The following TNFAIP8 variants were observed in gnomAD, a reference collection of about 807,000 sequenced individuals.
TNFAIP8 encodes the protein tumor necrosis factor alpha-induced protein 8.
TNFAIP8 carries 7 observed loss-of-function variants against 13.3 expected under a neutral mutation model. That is an observed-to-expected ratio of 0.52 (90% CI 0.30 to 0.99). The LOEUF (loss-of-function observed/expected upper bound fraction) is 0.99. TNFAIP8 is among the 50% of genes least tolerant of loss of function. The pLI is 0.07. For synonymous variants in TNFAIP8, 94 were observed against 87.6 expected (o/e 1.07, Z -0.41); for missense variants, 258 against 236.9 (o/e 1.09, Z -0.58).
intron 1 of TNFAIP8, among the ~76,000 whole-genome samples, chr5:119,302,427 T>A (rs984975010): frequency 6.6e-6 from 1 of 152,250 alleles, no homozygotes; most frequent in Non-Finnish European, 1.5e-5. Flanking sequence ...TTTTCTCCTC[T>A]GCTTCTAGTA....
intron 1 of TNFAIP8, among the ~76,000 whole-genome samples, chr5:119,384,023 T>C (rs191620282): frequency 3.1e-4 from 47 of 152,352 alleles, no homozygotes; most frequent in African/African-American, 1.1e-3. Context: ...CTTAAGCTCA[T>C]GTATTATAGT....
intron 1 of TNFAIP8, among the ~76,000 whole-genome samples, chr5:119,289,767 A>G (rs758703129): frequency 6.6e-6 from 1 of 152,222 alleles, no homozygotes; most frequent in South Asian, 2.1e-4. Flanking sequence ...TAGGAAAGCC[A>G]GAGTGGGAGA....
intron 1 of TNFAIP8, among the ~76,000 whole-genome samples, chr5:119,343,109 TA>T (rs1750794179): frequency 6.6e-6 from 1 of 152,214 alleles, no homozygotes; most frequent in South Asian, 2.1e-4. Context: ...TCCATCTTAT[TA>T]ATAGTTCCTA....
rs1260461023 is a variant in TNFAIP8 at position 119,292,424 on chromosome 5, A to T, written c.1+23517A>T. Reference sequence around the variant, plus strand: ...ATGTCTTTGGACTTTTCATTTCCTTATTTATTAAATAAAACATTATATCAT... The same window carrying T: ...ATGTCTTTGGACTTTTCATTTCCTTTTTTATTAAATAAAACATTATATCAT... On this transcript the variant is annotated intron_variant, in intron 1 of 1. Transcript: ENST00000274456. Among the ~76,000 whole-genome samples the T allele has an allele frequency of 2.0e-5, 3 of 151,976 alleles. No individual in the cohort carries two copies. The East Asian group carries it at 5.8e-4, about 29-fold the overall frequency.
At chr5:119,350,153 C>T (rs1751067067) in intron 1 of TNFAIP8, among the ~76,000 whole-genome samples, 1 of 152,150 alleles carries the variant, frequency 6.6e-6, no homozygotes, top group African/African-American at 2.4e-5. Flanking sequence ...CTGTGCGTTC[C>T]ATATTCATGG....
rs551823017 is a variant in TNFAIP8 at position 119,362,986 on chromosome 5, A to C, written c.31+6865A>C. Among the ~76,000 whole-genome samples the C allele has an allele frequency of 6.6e-5, 10 of 152,304 alleles. No individual in the cohort carries two copies. In the East Asian group the frequency reaches 1.7e-3, roughly 26 times the overall value. ...GTCACAAAGGGAGAGTTGATTCCCC[A>C]TATGTAGTCTCTGAGAGCAAGACTG... On this transcript the variant is annotated intron_variant, in intron 1 of 1. Coordinates refer to ENST00000504771, the MANE Select transcript of TNFAIP8 (RefSeq NM_014350.4).
intron 1 of TNFAIP8, among the ~76,000 whole-genome samples, chr5:119,312,071 A>G (rs1379021651): frequency 6.6e-6 from 1 of 152,248 alleles, no homozygotes. Flanking sequence ...TGTATATAAT[A>G]TGGTCCTGTT....
chr5:119,359,154 C>T (rs1041177452), intron 1 of TNFAIP8, among the ~76,000 whole-genome samples: 2 of 152,330 alleles, frequency 1.3e-5, no homozygotes, highest in Admixed American at 1.3e-4. Context: ...CCGCCTTCCA[C>T]CTTGGGCTCC....
At chr5:119,376,583 C>T (rs1752292377) in intron 1 of TNFAIP8, among the ~76,000 whole-genome samples, 3 of 145,752 alleles carry the variant, frequency 2.1e-5, no homozygotes, top group African/African-American at 7.8e-5. Context: ...CTTTCTGCTC[C>T]CCCAGAAACA....
intron 1 of TNFAIP8, among the ~76,000 whole-genome samples, chr5:119,300,173 G>A (rs370904528): frequency 2.6e-5 from 4 of 152,328 alleles, no homozygotes; most frequent in African/African-American, 9.6e-5. Context: ...ACCTCAGATG[G>A]AAATGCAGAA....
intron 1 of TNFAIP8, among the ~76,000 whole-genome samples, chr5:119,286,046 ACTGT>A (rs925372495): frequency 6.6e-6 from 1 of 152,184 alleles, no homozygotes; most frequent in Non-Finnish European, 1.5e-5. Context: ...TTTATTTTAT[ACTGT>A]CTGTGTGTTT....
intron 1 of TNFAIP8, among the ~76,000 whole-genome samples, chr5:119,274,779 C>A (rs1481064952): frequency 6.6e-6 from 1 of 152,196 alleles, no homozygotes; most frequent in African/African-American, 2.4e-5. Context: ...ACATCATTAT[C>A]TGGGCAGCTA....
chr5:119,278,189 T>C (rs2150802303), intron 1 of TNFAIP8, among the ~76,000 whole-genome samples: 1 of 152,294 alleles, frequency 6.6e-6, no homozygotes, highest in Non-Finnish European at 1.5e-5. Context: ...AGATTCAGGA[T>C]TGGATCCTTG....
At chr5:119,389,001 G>C (rs747047701) in intron 1 of TNFAIP8, among the ~76,000 whole-genome samples, 2 of 152,078 alleles carry the variant, frequency 1.3e-5, no homozygotes, top group Non-Finnish European at 2.9e-5. Context: ...AGATAGAAAG[G>C]GGTTTGGACT....
intron 1 of TNFAIP8, among the ~76,000 whole-genome samples, chr5:119,276,327 A>G (rs1376177797): frequency 6.6e-6 from 1 of 152,110 alleles, no homozygotes; most frequent in East Asian, 1.9e-4. Context: ...CATGTTGGCC[A>G]GGCTGGTCTC....
At chr5:119,357,288 G>T (rs1429161493) in intron 1 of TNFAIP8, among the ~76,000 whole-genome samples, 1 of 152,198 alleles carries the variant, frequency 6.6e-6, no homozygotes, top group Non-Finnish European at 1.5e-5. Context: ...CATTGTTTTT[G>T]AGTTTGATGT....
intron 1 of TNFAIP8, among the ~76,000 whole-genome samples, chr5:119,320,030 G>A (rs922886684): frequency 6.6e-6 from 1 of 152,198 alleles, no homozygotes; most frequent in Admixed American, 6.5e-5. Flanking sequence ...TGGGTTGGTG[G>A]TGGGGTGGAT....
chr5:119,296,804 G>A (rs560771677), intron 1 of TNFAIP8, among the ~76,000 whole-genome samples: 19 of 152,042 alleles, frequency 1.2e-4, no homozygotes, highest in African/African-American at 3.9e-4. Context: ...CAATTTCAGA[G>A]CCTGTTATTG....
Position 119,397,957 on chromosome 5 carries a change from T to C in TNFAIP8, c.*4576T>C, listed in dbSNP as rs992775750. The C allele has an allele frequency of 2.0e-5, 3 of 152,228 alleles. No homozygotes were observed. Among genetic ancestry groups the C allele is most frequent in the African/African-American group, 4.8e-5 (2 of 41,458 alleles). 9.4% of individuals were successfully genotyped at this position (152,228 alleles called of 1,614,324 possible). A position where few individuals can be genotyped will look rare whatever the true frequency, so the allele number is the denominator to read the frequency against. On this transcript the variant is annotated 3_prime_UTR_variant, in exon 2 of 2. Transcript: ENST00000504771. ...AGCAAAGAACATCAGCCCCACGTTA[T>C]AGGGAACAAGCGAGTCCCAAATCGT...
Sources: gnomAD v4.1 joint callset for allele counts (sites outside exome capture counted in the v4.1 genomes callset) on GRCh38, gnomAD v4.1.1 for gene constraint, MANE v1.5 for transcripts, NCBI Gene and HGNC (gene_info 2026-07-23, HGNC 2026-07-21) for gene names.